PHTF2: variants seen among roughly 807,000 people sequenced by gnomAD.
PHTF2 encodes the protein putative homeodomain transcription factor 2, also known as protein PHTF2.
In PHTF2, 60 loss-of-function variants were observed where a neutral mutation model predicts 101.2. The ratio of observed to expected loss-of-function variants is 0.59; its 90% CI spans 0.48 to 0.73. The LOEUF (loss-of-function observed/expected upper bound fraction) is 0.73, where lower values mean the gene tolerates loss of function less well. Ranked by LOEUF, PHTF2 falls within the 30% of genes least tolerant of loss-of-function variation. The pLI is 0.00. For synonymous variants in PHTF2, 311 were observed against 307.3 expected (o/e 1.01, Z -0.13); for missense variants, 747 against 908.7 (o/e 0.82, Z 2.29).
chr7:77,891,585 T>TTGTTGA (rs767996740), intron 3 of PHTF2, among the ~76,000 whole-genome samples: 2 of 151,710 alleles, frequency 1.3e-5, no homozygotes, highest in African/African-American at 4.8e-5. Flanking sequence ...TTTTTTTTTG[T>TTGTTGA]TGTTGTTGTT....
rs138407760 is a variant in PHTF2 at position 77,879,950 on chromosome 7, T to G, written c.148-13658T>G. 4.0e-4 allele frequency among the ~76,000 whole-genome samples: 61 copies of G among 152,336 alleles called. No individual in the cohort carries two copies. In the East Asian group the frequency reaches 0.01, roughly 26 times the overall value. ...GAGGGTATTAGCTCCCTTTTCCTCT[T>G]GATTTGTAAAATATTGGTTTTTATT... On this transcript the variant is annotated intron_variant, in intron 3 of 19. Coordinates refer to ENST00000416283, the Ensembl canonical transcript of PHTF2.
chr7:77,948,199 T>A (rs988149630), intron 16 of PHTF2, among the ~76,000 whole-genome samples: 24 of 152,292 alleles, frequency 1.6e-4, no homozygotes, highest in Middle Eastern at 3.4e-3. Flanking sequence ...ATGAGAGACT[T>A]ATTTTAAAAT....
intron 9 of PHTF2, among the ~76,000 whole-genome samples, chr7:77,917,015 G>C (rs1802992195): frequency 6.6e-6 from 1 of 152,074 alleles, no homozygotes; most frequent in South Asian, 2.1e-4. Flanking sequence ...CCTAATTATT[G>C]TTATGATTCC....
In PHTF2 at chr7:77,927,193, T is replaced by TAC. The variant is rs1428236843; in HGVS notation, c.1120-1915_1120-1914insCA. On this transcript the variant is annotated intron_variant, in intron 11 of 19. Coordinates refer to ENST00000416283, the Ensembl canonical transcript of PHTF2. The stretch of plus-strand genomic sequence containing the variant: ...AAAAAAAAAAATATATATATATATA[T>TAC]ATACATACACACACACACACACACA... Among the ~76,000 whole-genome samples, 43 of 93,532 alleles carry TAC rather than the reference T, an allele frequency of 4.6e-4. No individual in the cohort carries two copies. The East Asian group carries it at 4.9e-3, about 11-fold the overall frequency. The allele number at this position is 93,532 out of a possible 152,430, so 61.4% of individuals were successfully genotyped here.
At chr7:77,933,709 G>GTA (rs1157738956) in intron 12 of PHTF2, among the ~76,000 whole-genome samples, 1 of 127,264 alleles carries the variant, frequency 7.9e-6, no homozygotes, top group Non-Finnish European at 1.6e-5. Context: ...CAGGGACCAT[G>GTA]TGTTTTTTTT....
In PHTF2 at chr7:77,884,111, C is replaced by T. The variant is rs2150759916; in HGVS notation, c.148-9497C>T. 1.3e-5 allele frequency among the ~76,000 whole-genome samples: 2 copies of T among 152,224 alleles called. 1 individual carries two copies. Among genetic ancestry groups the T allele is most frequent in the South Asian group, 4.1e-4 (2 of 4,822 alleles). Reference sequence around the variant, plus strand: ...ATCTTAAACAGTCCAGGGTCTTTTCCATTTGTATCAGCAAATATTAAAAGC... The same window carrying T: ...ATCTTAAACAGTCCAGGGTCTTTTCTATTTGTATCAGCAAATATTAAAAGC... On this transcript the variant is annotated intron_variant, in intron 3 of 19. Coordinates refer to ENST00000416283, the Ensembl canonical transcript of PHTF2.
intron 1 of PHTF2, among the ~76,000 whole-genome samples, chr7:77,810,281 C>G (rs572645123): frequency 1.3e-5 from 2 of 152,114 alleles, no homozygotes; most frequent in South Asian, 4.2e-4. Flanking sequence ...GATTATTCTT[C>G]TTCATAAAGA....
At chr7:77,869,481 G>A (rs970654812) in intron 3 of PHTF2, among the ~76,000 whole-genome samples, 1 of 152,044 alleles carries the variant, frequency 6.6e-6, no homozygotes, top group Non-Finnish European at 1.5e-5. Context: ...TCCCATATAT[G>A]AGAACATAGC....
chr7:77,857,649 G>A (rs1797294540), intron 3 of PHTF2, among the ~76,000 whole-genome samples: 1 of 152,176 alleles, frequency 6.6e-6, no homozygotes, highest in Admixed American at 6.5e-5. Context: ...ACAACCATCT[G>A]ATGGTAACCA....
In PHTF2 at chr7:77,929,338, G is replaced by A. The variant is rs577849287; in HGVS notation, c.1338+11G>A. ...GACCCTTTTCATCAGGTTGGTTTAT[G>A]GTTTTGGCTTATGTGGAGCTATGAG... is the stretch of plus-strand genomic sequence containing the variant. On this transcript the variant is annotated intron_variant, in intron 12 of 19. Coordinates refer to ENST00000416283, the Ensembl canonical transcript of PHTF2. 1 of 1,462,578 alleles carries A rather than the reference G, an allele frequency of 6.8e-7. No individual in the cohort carries two copies. The highest frequency in any genetic ancestry group is 1.7e-5 in the Admixed American group (1 of 58,094). The allele number at this position is 1,462,578 out of a possible 1,614,324, so 90.6% of individuals were successfully genotyped here.
rs923997758 is a variant in PHTF2, at chr7:77,954,853, T to C, written c.2338-5T>C. 3.3e-6 allele frequency: 5 copies of C among 1,498,186 alleles called. No individual in the cohort carries two copies. In the African/African-American group the frequency reaches 4.2e-5, roughly 13 times the overall value. The allele number at this position is 1,498,186 out of a possible 1,614,324, so 92.8% of individuals were successfully genotyped here. ...TTGTCACCACTTCTATTTTTTTTTT[T>C]CTAGCTATGGAAGATTAAGTCATGA... On this transcript the variant is annotated splice_region_variant and splice_polypyrimidine_tract_variant and intron_variant, in intron 19 of 19. Coordinates refer to ENST00000416283, the Ensembl canonical transcript of PHTF2.
chr7:77,940,326 A>G, intron 14 of PHTF2, 24 bp downstream of exon 13: 2 of 1,546,424 alleles, frequency 1.3e-6, no homozygotes, highest in Non-Finnish European at 8.7e-7. Flanking sequence ...AGACTTCCGA[A>G]TAAGAATATT....
intron 1 of PHTF2, among the ~76,000 whole-genome samples, chr7:77,819,596 A>T (rs998433284): frequency 6.6e-6 from 1 of 152,036 alleles, no homozygotes; most frequent in Admixed American, 6.6e-5. Flanking sequence ...CTGAATCATG[A>T]TGTATTATCT....
chr7:77,808,250 G>C (rs1045597751), intron 1 of PHTF2, among the ~76,000 whole-genome samples: 1 of 152,124 alleles, frequency 6.6e-6, no homozygotes, highest in Admixed American at 6.6e-5. Flanking sequence ...GGATTGCATT[G>C]AATCTGTAGA....
chr7:77,894,858 G>A (rs1422612693), intron 5 of PHTF2, among the ~76,000 whole-genome samples: 3 of 152,164 alleles, frequency 2.0e-5, no homozygotes, highest in African/African-American at 7.2e-5. Context: ...CATGATTGAG[G>A]CAGGACTCCC....
intron 9 of PHTF2, among the ~76,000 whole-genome samples, chr7:77,910,956 T>A (rs974086561): frequency 1.3e-5 from 2 of 152,236 alleles, no homozygotes; most frequent in Non-Finnish European, 1.5e-5. Context: ...ACTATTTTAC[T>A]TGTGTTAATT....
intron 2 of PHTF2, among the ~76,000 whole-genome samples, chr7:77,851,599 A>C (rs1364274741): frequency 7.8e-6 from 1 of 128,248 alleles, no homozygotes; most frequent in East Asian, 2.3e-4. Flanking sequence ...TTCTGCTCTG[A>C]TTTTTTTTTT....
At chr7:77,810,346 A>G (rs962725707) in intron 1 of PHTF2, among the ~76,000 whole-genome samples, 1 of 152,222 alleles carries the variant, frequency 6.6e-6, no homozygotes, top group East Asian at 1.9e-4. Flanking sequence ...TTTCTAATCT[A>G]CAGGTACTCA....
At position 77,893,034 on chromosome 7, in the gene PHTF2, A is replaced by C. The variant is rs564888353; in HGVS notation, c.148-574A>C. ...AGCTGTAGCAATTGTGTTTATTTAC[A>C]ATTAAGGATTCCCTAGGGCAGTGGT... On this transcript the variant is annotated intron_variant, in intron 3 of 19. Transcript: ENST00000416283. Among the ~76,000 whole-genome samples, 6 of 152,326 alleles carry C rather than the reference A, an allele frequency of 3.9e-5. No homozygotes were observed. The South Asian group carries it at 1.2e-3, about 32-fold the overall frequency.
Sources: allele counts gnomAD v4.1 joint callset (sites outside exome capture counted in the v4.1 genomes callset), GRCh38; gene constraint gnomAD v4.1.1; transcripts MANE v1.5; gene names NCBI Gene and HGNC (gene_info 2026-07-23, HGNC 2026-07-21).